Variants in MEIKIN observed in about 807,000 individuals in gnomAD.
MEIKIN encodes meiotic kinetochore factor.
At chr5:131,843,328 C>T (rs541277915) in intron 11 of MEIKIN, among the ~76,000 whole-genome samples, 3 of 152,356 alleles carry the variant, frequency 2.0e-5, no homozygotes, top group African/African-American at 7.2e-5. Flanking sequence ...CTGCAGCTGG[C>T]TTGAATTTCT....
chr5:131,859,300 T>C (rs1167008660), intron 9 of MEIKIN, among the ~76,000 whole-genome samples: 1 of 152,142 alleles, frequency 6.6e-6, no homozygotes, highest in Non-Finnish European at 1.5e-5. Flanking sequence ...TTGAGTTGAT[T>C]TTGGTAGACA....
intron 8 of MEIKIN, among the ~76,000 whole-genome samples, chr5:131,909,021 A>AT (rs1336730597): frequency 3.3e-5 from 5 of 152,330 alleles, no homozygotes; most frequent in African/African-American, 1.2e-4. Flanking sequence ...TGTAGGTTTA[A>AT]TGCAATCCCT....
chr5:131,909,603 A>G (rs1201757143), intron 8 of MEIKIN, among the ~76,000 whole-genome samples: 1 of 152,184 alleles, frequency 6.6e-6, no homozygotes, highest in East Asian at 1.9e-4. Context: ...ACAGCAAAGG[A>G]AACAATCAAT....
intron 6 of MEIKIN, among the ~76,000 whole-genome samples, chr5:131,918,028 G>A (rs1277875896): frequency 1.3e-5 from 2 of 152,144 alleles, no homozygotes; most frequent in Non-Finnish European, 2.9e-5. Context: ...TTCAGGGTAA[G>A]GCATATAAAC....
intron 11 of MEIKIN, among the ~76,000 whole-genome samples, chr5:131,845,893 A>G (rs901519661): frequency 1.1e-4 from 16 of 152,186 alleles, no homozygotes; most frequent in Non-Finnish European, 1.5e-4. Flanking sequence ...ATAATGACTG[A>G]AATTTTCCAA....
At chr5:131,906,233 G>A (rs751615787) in intron 8 of MEIKIN, among the ~76,000 whole-genome samples, 8 of 152,126 alleles carry the variant, frequency 5.3e-5, no homozygotes, top group South Asian at 4.1e-4. Context: ...CTCTTCAAAA[G>A]AAGACATACA....
chr5:131,917,703 G>A (rs1751434961), intron 6 of MEIKIN, among the ~76,000 whole-genome samples: 1 of 151,950 alleles, frequency 6.6e-6, no homozygotes, highest in South Asian at 2.1e-4. Flanking sequence ...GGTACATTAA[G>A]ATATTACTAG....
At position 131,945,444 on chromosome 5, in the gene MEIKIN, G is replaced by C. The variant is rs1480702273; in HGVS notation, c.62C>G (p.Pro21Arg). The stretch of plus-strand genomic sequence containing the variant: ...CGCTGGAGAGCCTAGGTCTGGCGTC[G>C]GGGTGAGATTGAGCCTCTGACCCTC... Reference protein sequence around the residue: ...KREGQRLNLTPTPDLGSPAKA... With the variant: ...KREGQRLNLTRTPDLGSPAKA... Residue 21 changes from proline to arginine, a missense_variant, in exon 1 of 13, where the codon CCG becomes CGG. Physicochemically the swap from Pro to Arg is moderately radical, Grantham distance 103. Transcript: ENST00000442687. 5.0e-6 allele frequency: 2 copies of C among 399,226 alleles called. No individual in the cohort carries two copies. The highest frequency in any genetic ancestry group is 8.8e-6 in the Non-Finnish European group (2 of 226,190). 24.7% of individuals were successfully genotyped at this position (399,226 alleles called of 1,614,324 possible).
intron 8 of MEIKIN, among the ~76,000 whole-genome samples, chr5:131,879,481 G>A (rs562528178): frequency 3.3e-5 from 5 of 152,090 alleles, no homozygotes; most frequent in African/African-American, 9.7e-5. Flanking sequence ...GCGAAGCCTC[G>A]GCTTTTAGTG....
At chr5:131,927,055 C>CT (rs922958527) in intron 5 of MEIKIN, among the ~76,000 whole-genome samples, 1 of 151,796 alleles carries the variant, frequency 6.6e-6, no homozygotes, top group African/African-American at 2.4e-5. Context: ...GCTGTTCATT[C>CT]TTTTTTTCTA....
At chr5:131,933,714 G>T in intron 4 of MEIKIN, 73 bp from the exon 5 acceptor site, 1 of 393,272 alleles carries the variant, frequency 2.5e-6, no homozygotes, top group Non-Finnish European at 4.5e-6. Context: ...AAATTGAAAT[G>T]TATGGAAATG....
chr5:131,876,547 G>A (rs1750616934), intron 9 of MEIKIN, among the ~76,000 whole-genome samples: 1 of 145,164 alleles, frequency 6.9e-6, no homozygotes, highest in Non-Finnish European at 1.5e-5. Context: ...CACTGTTGGT[G>A]GGACTGTAAA....
Position 131,921,949 on chromosome 5 carries a change from A to G in MEIKIN, c.479-8T>C. On this transcript the variant is annotated splice_region_variant and splice_polypyrimidine_tract_variant and intron_variant, in intron 5 of 12. Coordinates refer to ENST00000442687, the MANE Select transcript of MEIKIN (RefSeq NM_001303622.2). The stretch of plus-strand genomic sequence containing the variant: ...AGTTGGGACACTCCCAGTCTAAAAC[A>G]GCAGAGAAGAAATAGTGTAAGACTT... 1 of 398,896 alleles carries G rather than the reference A, an allele frequency of 2.5e-6. No individual in the cohort carries two copies. The allele number at this position is 398,896 out of a possible 1,614,324, so 24.7% of individuals were successfully genotyped here. A position where few individuals can be genotyped will look rare whatever the true frequency, so the allele number is the denominator to read the frequency against.
chr5:131,911,714 T>G (rs554861548), intron 8 of MEIKIN, 101 bp downstream of exon 8: 272 of 387,642 alleles, frequency 7.0e-4, no homozygotes, highest in South Asian at 5.4e-3. Flanking sequence ...GCTACTAACT[T>G]TGTTAATGCA....
intron 5 of MEIKIN, among the ~76,000 whole-genome samples, chr5:131,929,957 C>T (rs576759065): frequency 6.6e-6 from 1 of 152,282 alleles, no homozygotes; most frequent in African/African-American, 2.4e-5. Flanking sequence ...GTTGATTCCA[C>T]GTCTCTGCTA....
chr5:131,928,744 A>C (rs74590744), intron 5 of MEIKIN, among the ~76,000 whole-genome samples: 1,529 of 152,308 alleles, frequency 0.01, 21 homozygotes, highest in African/African-American at 0.035. Flanking sequence ...ACTATAAATA[A>C]TTAGTGAGCT....
chr5:131,935,612 G>T (rs2149653595), intron 4 of MEIKIN, among the ~76,000 whole-genome samples: 1 of 152,156 alleles, frequency 6.6e-6, no homozygotes, highest in South Asian at 2.1e-4. Flanking sequence ...GCGGGGGTCG[G>T]GGGTGGTGAG....
intron 11 of MEIKIN, among the ~76,000 whole-genome samples, chr5:131,844,603 G>A (rs1193465478): frequency 1.3e-5 from 2 of 152,136 alleles, no homozygotes; most frequent in African/African-American, 4.8e-5. Flanking sequence ...TATGCATACT[G>A]TTCAGTATGC....
chr5:131,881,457 T>C (rs1750702050), intron 8 of MEIKIN, among the ~76,000 whole-genome samples: 1 of 152,176 alleles, frequency 6.6e-6, no homozygotes, highest in African/African-American at 2.4e-5. Flanking sequence ...CCCATTTCCA[T>C]TCACTGTGTA....
Sources: gnomAD v4.1 joint callset for allele counts (sites outside exome capture counted in the v4.1 genomes callset) on GRCh38, gnomAD v4.1.1 for gene constraint, MANE v1.5 for transcripts, NCBI Gene and HGNC (gene_info 2026-07-23, HGNC 2026-07-21) for gene names.